The following PCDH15 variants were observed in gnomAD, a reference collection of about 807,000 sequenced individuals.
The protein encoded by PCDH15 is protocadherin related 15.
A neutral mutation model predicts 178.5 loss-of-function variants in PCDH15; 129 were observed. The ratio of observed to expected loss-of-function variants is 0.72; its 90% CI spans 0.63 to 0.84. The LOEUF (loss-of-function observed/expected upper bound fraction) is 0.84, where lower values mean the gene tolerates loss of function less well. Among genes scored for constraint, PCDH15 ranks in the 40% least tolerant of loss-of-function variants. The probability of loss-of-function intolerance (pLI) is 0.00; values close to 1 mark genes in which losing one functional copy is unlikely to be tolerated. For synonymous variants in PCDH15, 800 were observed against 732.0 expected, an observed-to-expected ratio of 1.09 and a Z score of -1.50; for missense variants, 2,230 against 2,099.9, an observed-to-expected ratio of 1.06 and a Z score of -1.21.
chr10:55,127,769 C>T (rs141876235), intron 2 of PCDH15, among the ~76,000 whole-genome samples: 179 of 152,114 alleles, frequency 1.2e-3, no homozygotes, highest in Middle Eastern at 6.8e-3. Flanking sequence ...ATATTTCTTG[C>T]AATCATTTAC....
intron 2 of PCDH15, among the ~76,000 whole-genome samples, chr10:54,933,231 G>T (rs938049547): frequency 3.9e-5 from 6 of 152,076 alleles, no homozygotes; most frequent in Non-Finnish European, 8.8e-5. Flanking sequence ...CTGTATCTCT[G>T]TCAGTCAGTG....
intron 1 of PCDH15, among the ~76,000 whole-genome samples, chr10:55,188,185 A>T (rs1839848006): frequency 6.6e-6 from 1 of 151,992 alleles, no homozygotes; most frequent in African/African-American, 2.4e-5. Context: ...GACAACCCAG[A>T]GTGTGCACAT....
intron 1 of PCDH15, among the ~76,000 whole-genome samples, chr10:54,689,174 A>C (rs1050868767): frequency 1.3e-5 from 2 of 152,084 alleles, no homozygotes; most frequent in Non-Finnish European, 2.9e-5. Context: ...TGATATTATT[A>C]TTAATATATA....
intron 18 of PCDH15, among the ~76,000 whole-genome samples, chr10:54,032,424 A>C (rs912845347): frequency 6.6e-6 from 1 of 151,792 alleles, no homozygotes; most frequent in Non-Finnish European, 1.5e-5. Context: ...TGCCTGCTTT[A>C]TTTTTCTTTT....
chr10:54,349,181 C>T (rs1284736277), intron 5 of PCDH15, among the ~76,000 whole-genome samples: 1 of 152,062 alleles, frequency 6.6e-6, no homozygotes, highest in African/African-American at 2.4e-5. Context: ...AAAGGGGGTG[C>T]CCATGCCTTT....
intron 8 of PCDH15, among the ~76,000 whole-genome samples, chr10:54,314,072 T>C (rs977395995): frequency 6.6e-6 from 1 of 151,930 alleles, no homozygotes; most frequent in Non-Finnish European, 1.5e-5. Context: ...CATAAATTAA[T>C]ACTAAAAATA....
chr10:55,127,199 C>T (rs1344559602), intron 2 of PCDH15, among the ~76,000 whole-genome samples: 1 of 152,158 alleles, frequency 6.6e-6, no homozygotes, highest in African/African-American at 2.4e-5. Flanking sequence ...ATTAAATATG[C>T]CAGAACTTCC....
At chr10:53,854,320 G>A (rs1016445129) in intron 28 of PCDH15, among the ~76,000 whole-genome samples, 1 of 151,948 alleles carries the variant, frequency 6.6e-6, no homozygotes, top group Non-Finnish European at 1.5e-5. Context: ...AAATGAAGAA[G>A]TTCTGAAAAT....
chr10:53,888,310 G>GTATATATATATATATGTACGTA (rs1554845230), intron 26 of PCDH15, among the ~76,000 whole-genome samples: 1 of 28,712 alleles, frequency 3.5e-5, no homozygotes, highest in African/African-American at 9.0e-5. Flanking sequence ...ATATATATAT[G>GTATATATATATATATGTACGTA]TATATATGTA....
intron 2 of PCDH15, among the ~76,000 whole-genome samples, chr10:55,396,382 T>C (rs11816346): frequency 0.013 from 1,988 of 152,296 alleles, 43 homozygotes; most frequent in African/African-American, 0.046. Context: ...CTGTCAATAT[T>C]CACACCATCC....
chr10:54,925,428 GT>G (rs35799247), intron 2 of PCDH15, among the ~76,000 whole-genome samples: 91,279 of 131,548 alleles, frequency 0.69, 29,619 homozygotes, highest in African/African-American at 0.88. Flanking sequence ...CTATTCAGGC[GT>G]TTTTTTTTGT....
chr10:54,999,577 G>T (rs1186288315), intron 2 of PCDH15, among the ~76,000 whole-genome samples: 2 of 152,172 alleles, frequency 1.3e-5, no homozygotes, highest in African/African-American at 4.8e-5. Flanking sequence ...AAGGATGCTG[G>T]CTTCAGTGTG....
At chr10:54,345,135 G>A (rs1165066328) in intron 6 of PCDH15, among the ~76,000 whole-genome samples, 7 of 151,706 alleles carry the variant, frequency 4.6e-5, no homozygotes, top group African/African-American at 9.7e-5. Context: ...TCACTTACGA[G>A]TTTTCTTTGC....
At chr10:55,342,442 G>A (rs1340176213) in intron 2 of PCDH15, among the ~76,000 whole-genome samples, 2 of 151,752 alleles carry the variant, frequency 1.3e-5, no homozygotes, top group East Asian at 1.9e-4. Flanking sequence ...ATTTGTGTTT[G>A]TTTTACTTTT....
intron 6 of PCDH15, 149 bp downstream of exon 6, chr10:54,346,216 A>G: frequency 2.5e-6 from 2 of 789,926 alleles, no homozygotes; most frequent in Non-Finnish European, 3.9e-6. Flanking sequence ...AAATATTACA[A>G]ATAATTCAAT....
chr10:55,077,450 CCCTTCCTT>C (rs1303573263), intron 2 of PCDH15, among the ~76,000 whole-genome samples: 2 of 102,172 alleles, frequency 2.0e-5, no homozygotes. Context: ...TTCCTTCCTT[CCCTTCCTT>C]CCTTCCTTTC....
intron 3 of PCDH15, among the ~76,000 whole-genome samples, chr10:54,452,668 T>G (rs1303821210): frequency 6.6e-6 from 1 of 152,038 alleles, no homozygotes; most frequent in Non-Finnish European, 1.5e-5. Context: ...CAGGAATCCT[T>G]CAAACACTTC....
chr10:55,485,567 A>AATATTTG (rs1840277388), intron 2 of PCDH15, among the ~76,000 whole-genome samples: 1 of 151,726 alleles, frequency 6.6e-6, no homozygotes, highest in Non-Finnish European at 1.5e-5. Context: ...TAGTAGAGCC[A>AATATTTG]TTATGGAAAA....
intron 2 of PCDH15, among the ~76,000 whole-genome samples, chr10:55,151,227 T>C (rs1468009851): frequency 1.3e-5 from 2 of 152,112 alleles, no homozygotes; most frequent in African/African-American, 4.8e-5. Flanking sequence ...AGATGTATTT[T>C]GAGTCTATTG....
Sources: gnomAD v4.1 joint callset for allele counts (sites outside exome capture counted in the v4.1 genomes callset) on GRCh38, gnomAD v4.1.1 for gene constraint, MANE v1.5 for transcripts, NCBI Gene and HGNC (gene_info 2026-07-23, HGNC 2026-07-21) for gene names.